Variants in KHDRBS2 observed in about 807,000 individuals in gnomAD.
The protein encoded by KHDRBS2 is KH domain-containing, RNA-binding, signal transduction-associated protein 2.
Under a neutral mutation model 44.3 loss-of-function variants are expected in KHDRBS2, and 26 were observed. The ratio of observed to expected loss-of-function variants is 0.59; its 90% CI spans 0.43 to 0.81. KHDRBS2 has a LOEUF of 0.81. KHDRBS2 is among the 40% of genes least tolerant of loss of function. KHDRBS2 has a pLI of 0.00. For missense variants in KHDRBS2, 476 were observed against 433.1 expected, an observed-to-expected ratio of 1.10 and a Z score of -0.88; for synonymous variants, 194 against 151.1, an observed-to-expected ratio of 1.28 and a Z score of -2.08.
At chr6:61,713,950 A>C (rs898785352) in intron 7 of KHDRBS2, among the ~76,000 whole-genome samples, 5 of 151,900 alleles carry the variant, frequency 3.3e-5, no homozygotes, top group African/African-American at 1.2e-4. Flanking sequence ...ACTAGAAAAA[A>C]ACTTAGGAAA....
intron 2 of KHDRBS2, among the ~76,000 whole-genome samples, chr6:62,153,713 G>T (rs1815730823): frequency 6.6e-6 from 1 of 152,098 alleles, no homozygotes; most frequent in South Asian, 2.1e-4. Flanking sequence ...CCTAGGAGCA[G>T]CTACTGTCAG....
chr6:62,191,043 T>C (rs1824490908), intron 1 of KHDRBS2, among the ~76,000 whole-genome samples: 1 of 152,160 alleles, frequency 6.6e-6, no homozygotes, highest in Non-Finnish European at 1.5e-5. Context: ...AACACAGATC[T>C]GAGCATTCCA....
At chr6:61,849,109 A>G (rs1795071193) in intron 6 of KHDRBS2, among the ~76,000 whole-genome samples, 1 of 152,084 alleles carries the variant, frequency 6.6e-6, no homozygotes, top group Admixed American at 6.6e-5. Context: ...AGAGATGCTA[A>G]TATTTCCTGC....
At chr6:61,547,666 A>T in the KHDRBS2 span, among the ~76,000 whole-genome samples, 1 of 152,136 alleles carries the variant, frequency 6.6e-6, no homozygotes, top group African/African-American at 2.4e-5. Context: ...AACACATGAA[A>T]ACAATGCTGG....
At chr6:61,690,986 A>G (rs928719228) in intron 8 of KHDRBS2, among the ~76,000 whole-genome samples, 5 of 152,060 alleles carry the variant, frequency 3.3e-5, no homozygotes. Context: ...CTTAGCTTAC[A>G]ATGGAACCAC....
intron 4 of KHDRBS2, among the ~76,000 whole-genome samples, chr6:61,901,622 C>T (rs1182133868): frequency 3.9e-5 from 6 of 152,080 alleles, no homozygotes; most frequent in Non-Finnish European, 8.8e-5. Flanking sequence ...ATTAGATTTG[C>T]TGAGATATCA....
intron 4 of KHDRBS2, among the ~76,000 whole-genome samples, chr6:61,945,733 A>G (rs767811396): frequency 6.6e-6 from 1 of 152,036 alleles, no homozygotes; most frequent in Non-Finnish European, 1.5e-5. Flanking sequence ...CTTAGATATA[A>G]ATAAATATAA....
intron 2 of KHDRBS2, among the ~76,000 whole-genome samples, chr6:62,123,417 A>G (rs1169524372): frequency 2.0e-5 from 3 of 152,206 alleles, no homozygotes; most frequent in Admixed American, 1.3e-4. Context: ...TATACCCAGT[A>G]ATGGGATGGC....
chr6:61,657,012 G>T, the KHDRBS2 span, among the ~76,000 whole-genome samples: 1 of 151,832 alleles, frequency 6.6e-6, no homozygotes, highest in Admixed American at 6.6e-5. Context: ...CAATCACAAG[G>T]CACCTGGAGA....
At chr6:62,214,222 C>A (rs1463296430) in intron 1 of KHDRBS2, among the ~76,000 whole-genome samples, 3 of 151,832 alleles carry the variant, frequency 2.0e-5, no homozygotes, top group African/African-American at 7.3e-5. Flanking sequence ...GCTGATATAC[C>A]CTTTACTTTT....
chr6:61,570,174 A>G, the KHDRBS2 span, among the ~76,000 whole-genome samples: 1 of 152,190 alleles, frequency 6.6e-6, no homozygotes, highest in African/African-American at 2.4e-5. Flanking sequence ...TGAAATTTAA[A>G]AATCAATACA....
chr6:62,269,067 T>C (rs1839663321), intron 1 of KHDRBS2, among the ~76,000 whole-genome samples: 1 of 152,044 alleles, frequency 6.6e-6, no homozygotes, highest in Non-Finnish European at 1.5e-5. Flanking sequence ...AAAAAATACT[T>C]TGACTATCTT....
chr6:61,873,846 T>C (rs1311425179), intron 6 of KHDRBS2, among the ~76,000 whole-genome samples: 2 of 151,990 alleles, frequency 1.3e-5, no homozygotes, highest in Non-Finnish European at 2.9e-5. Flanking sequence ...GATACATATA[T>C]GCAATAAGAG....
intron 2 of KHDRBS2, among the ~76,000 whole-genome samples, chr6:62,132,494 A>G (rs529323410): frequency 6.6e-6 from 1 of 152,268 alleles, no homozygotes; most frequent in East Asian, 1.9e-4. Flanking sequence ...CCCTCTGGTG[A>G]CTCAGATGCA....
At chr6:62,226,742 G>A (rs1176968771) in intron 1 of KHDRBS2, among the ~76,000 whole-genome samples, 2 of 152,100 alleles carry the variant, frequency 1.3e-5, no homozygotes, top group Admixed American at 1.3e-4. Context: ...TTCTGCATAT[G>A]TCTAGCCAGT....
chr6:61,945,426 T>C (rs1394803616), intron 4 of KHDRBS2, among the ~76,000 whole-genome samples: 1 of 151,706 alleles, frequency 6.6e-6, no homozygotes, highest in East Asian at 1.9e-4. Flanking sequence ...CACTTCTCCA[T>C]CTGTATCAGT....
intron 2 of KHDRBS2, among the ~76,000 whole-genome samples, chr6:62,164,625 G>A (rs1367180361): frequency 6.6e-6 from 1 of 151,492 alleles, no homozygotes; most frequent in African/African-American, 2.4e-5. Context: ...TATACTCAAG[G>A]GGAACAAACT....
intron 7 of KHDRBS2, among the ~76,000 whole-genome samples, chr6:61,727,178 G>T (rs914673064): frequency 6.6e-6 from 1 of 152,110 alleles, no homozygotes; most frequent in African/African-American, 2.4e-5. Flanking sequence ...CAAGCAATGG[G>T]GAAAGGGTTA....
intron 4 of KHDRBS2, among the ~76,000 whole-genome samples, chr6:61,915,594 T>C (rs373690607): frequency 2.0e-5 from 3 of 152,070 alleles, no homozygotes; most frequent in African/African-American, 7.2e-5. Context: ...ATAAAACTCC[T>C]ACTCAAATAA....
Sources: gnomAD v4.1 joint callset for allele counts (sites outside exome capture counted in the v4.1 genomes callset) on GRCh38, gnomAD v4.1.1 for gene constraint, MANE v1.5 for transcripts, NCBI Gene and HGNC (gene_info 2026-07-23, HGNC 2026-07-21) for gene names.